The following NDUFA3 variants were observed in gnomAD, a reference collection of about 807,000 sequenced individuals.
NDUFA3 encodes the protein NADH dehydrogenase [ubiquinone] 1 alpha subcomplex subunit 3.
A neutral mutation model predicts 11.4 loss-of-function variants in NDUFA3; 10 were observed. The observed-to-expected ratio is 0.87, with a 90% CI of 0.54 to 1.48. The LOEUF is 1.48. NDUFA3 is among the 40% of genes most tolerant of loss of function. NDUFA3 has a pLI of 0.00. For missense variants in NDUFA3, 115 were observed against 110.5 expected, an observed-to-expected ratio of 1.04 and a Z score of -0.18; for synonymous variants, 39 against 46.9, an observed-to-expected ratio of 0.83 and a Z score of 0.68.
chr19:54,103,116 G>A lies in NDUFA3; in HGVS notation c.13G>A (p.Val5Ile). ...GACGCTTCTTGCCACCCCTTCAGGA[G>A]TCGGCGCCTTCCTCAAGAATGCCTG... MAARVGAFLKNAWDK... is the reference protein window; with the variant it reads MAARIGAFLKNAWDK... The change falls in exon 2 of 4, where the codon GTC becomes ATC. Residue 5 changes from valine to isoleucine, a missense_variant and splice_region_variant. Coordinates refer to ENST00000485876, the MANE Select transcript of NDUFA3 (RefSeq NM_004542.4). The A allele has an allele frequency of 6.2e-7, 1 of 1,612,446 alleles. No individual in the cohort carries two copies. The highest frequency in any genetic ancestry group is 1.3e-5 in the African/African-American group (1 of 74,998).
chr19:54,105,823 C>G, intron 2 of NDUFA3, 111 bp from the exon 3 acceptor site: 1 of 881,094 alleles, frequency 1.1e-6, no homozygotes, highest in South Asian at 1.4e-5. Context: ...GCTGGCCCTC[C>G]CTGCTGCCCT....
At chr19:54,104,825 G>A (rs1055086633) in intron 2 of NDUFA3, among the ~76,000 whole-genome samples, 10 of 151,562 alleles carry the variant, frequency 6.6e-5, no homozygotes, top group African/African-American at 1.7e-4. Flanking sequence ...TGCAACCTCC[G>A]CCTCCCGGGT....
chr19:54,102,997 C>A, intron 1 of NDUFA3, 109 bp downstream of exon 1: 1 of 1,540,100 alleles, frequency 6.5e-7, no homozygotes, highest in Non-Finnish European at 8.8e-7. Flanking sequence ...GGGGTCCGTG[C>A]TGGAGGGGAA....
chr19:54,106,776 G>T (rs587711090), intron 3 of NDUFA3, 35 bp from the exon 4 acceptor site: 8 of 1,561,292 alleles, frequency 5.1e-6, no homozygotes, highest in East Asian at 2.3e-5. Context: ...CCCTGGAGAC[G>T]TGCTGGTCTC....
chr19:54,106,077 T>A, intron 3 of NDUFA3, 66 bp downstream of exon 3: 1 of 1,467,076 alleles, frequency 6.8e-7, no homozygotes, highest in South Asian at 1.1e-5. Context: ...GTAAGGGCAG[T>A]TATGGGCAGG....
Position 54,107,494 on chromosome 19 carries a change from C to T in NDUFA3, c.*592C>T, listed in dbSNP as rs2073305160. 1 of 337,824 alleles carries T rather than the reference C, an allele frequency of 3.0e-6. No individual in the cohort carries two copies. Among genetic ancestry groups the T allele is most frequent in the Non-Finnish European group, 5.5e-6 (1 of 183,428 alleles). The allele number at this position is 337,824 out of a possible 1,614,324, so 20.9% of individuals were successfully genotyped here. ...AGACTCCTGGCCTCAAGTGATCCTCCCACCTAGGCCTCCCAAAGTGCCGGG... is the reference window on the plus strand; with the variant it reads ...AGACTCCTGGCCTCAAGTGATCCTCTCACCTAGGCCTCCCAAAGTGCCGGG... On this transcript the variant is annotated 3_prime_UTR_variant, in exon 4 of 4. Transcript: ENST00000485876.
At chr19:54,106,719 C>T in intron 3 of NDUFA3, 92 bp from the exon 4 acceptor site, 1 of 1,124,086 alleles carries the variant, frequency 8.9e-7, no homozygotes. Flanking sequence ...TGGGGTCCCC[C>T]TTCCCTCTCT....
In NDUFA3 at chr19:54,103,200, C is replaced by A; in HGVS notation, c.85+12C>A. On this transcript the variant is annotated intron_variant, in intron 2 of 3. Transcript: ENST00000485876. ...CGTCGGGGGCCTCGGTGCGTGAGTGCTCCAGGCGCAAACTTGCATCGTCCA... is the reference window on the plus strand; with the variant it reads ...CGTCGGGGGCCTCGGTGCGTGAGTGATCCAGGCGCAAACTTGCATCGTCCA... 1.9e-6 allele frequency: 3 copies of A among 1,583,880 alleles called. No individual in the cohort carries two copies. The highest frequency in any genetic ancestry group is 2.6e-6 in the Non-Finnish European group (3 of 1,161,512).
At chr19:54,105,913 C>T in intron 2 of NDUFA3, 21 bp from the exon 3 acceptor site, 1 of 1,593,696 alleles carries the variant, frequency 6.3e-7, no homozygotes, top group East Asian at 2.2e-5. Context: ...CCCTGGGCCT[C>T]ACCCCTGTGT....
chr19:54,105,612 C>T, intron 2 of NDUFA3: 1 of 589,844 alleles, frequency 1.7e-6, no homozygotes. Flanking sequence ...TCCCATGACA[C>T]TACCCCCAGG....
rs1316415018 is a variant in NDUFA3, at chr19:54,105,264, C to CCTTTTTTTTTTTTTTT, written c.86-670_86-669insCTTTTTTTTTTTTTTT. 1.2e-3 allele frequency among the ~76,000 whole-genome samples: 88 copies of CCTTTTTTTTTTTTTTT among 71,260 alleles called. 2 individuals carry two copies. Among genetic ancestry groups the CCTTTTTTTTTTTTTTT allele is most frequent in the South Asian group, 2.0e-3 (4 of 2,038 alleles). The allele number at this position is 71,260 out of a possible 152,430, so 46.7% of individuals were successfully genotyped here. On this transcript the variant is annotated intron_variant, in intron 2 of 3. Coordinates refer to ENST00000485876, the MANE Select transcript of NDUFA3 (RefSeq NM_004542.4). ...ACCCTTTCTCCTCCAGTTTGTAAGG[C>CCTTTTTTTTTTTTTTT]TTTTTTTTTTTTTTTTTTTTTGGTG...
At chr19:54,106,180 G>A in intron 3 of NDUFA3, 169 bp downstream of exon 3, 1 of 651,726 alleles carries the variant, frequency 1.5e-6, no homozygotes, top group Non-Finnish European at 2.6e-6. Context: ...ATACTATTCT[G>A]TGTTTGTGCT....
In NDUFA3 at chr19:54,106,898, T is replaced by C. The variant is rs778599583; in HGVS notation, c.251T>C (p.Leu84Pro). ...CCCAGCCTGGAGTGGCTGAAGAAACTGTGAGCACCTCCACTGACAGAGGCG... is the reference window on the plus strand; with the variant it reads ...CCCAGCCTGGAGTGGCTGAAGAAACCGTGAGCACCTCCACTGACAGAGGCG... ...QGPSLEWLKK[L>P] Residue 84 changes from leucine (L) to proline (P), a missense_variant, in exon 4 of 4, where the codon CTG becomes CCG. Leu to Pro is a moderately conservative substitution (Grantham distance 98). Coordinates refer to ENST00000485876, the MANE Select transcript of NDUFA3 (RefSeq NM_004542.4). 2.5e-6 allele frequency: 4 copies of C among 1,611,498 alleles called. No individual in the cohort carries two copies. The highest frequency in any genetic ancestry group is 1.7e-5 in the Admixed American group (1 of 59,200).
chr19:54,105,833 T>C, intron 2 of NDUFA3, 101 bp from the exon 3 acceptor site: 3 of 970,942 alleles, frequency 3.1e-6, no homozygotes, highest in Non-Finnish European at 5.0e-6. Flanking sequence ...CCTGCTGCCC[T>C]CCCCCTGCGC....
At chr19:54,103,283 G>A in intron 2 of NDUFA3, 95 bp downstream of exon 2, 1 of 1,309,852 alleles carries the variant, frequency 7.6e-7, no homozygotes, top group Non-Finnish European at 1.0e-6. Flanking sequence ...GCCGCCCTCG[G>A]GTCCCCTCTA....
Position 54,105,264 on chromosome 19 carries a change from C to CTTTTTTTTTTTTTT in NDUFA3, c.86-662_86-649dup, listed in dbSNP as rs796770972. On this transcript the variant is annotated intron_variant, in intron 2 of 3. Transcript: ENST00000485876. ...ACCCTTTCTCCTCCAGTTTGTAAGG[C>CTTTTTTTTTTTTTT]TTTTTTTTTTTTTTTTTTTTTGGTG... Among the ~76,000 whole-genome samples the CTTTTTTTTTTTTTT allele has an allele frequency of 1.1e-3, 80 of 71,254 alleles. 15 individuals carry two copies. Among genetic ancestry groups the CTTTTTTTTTTTTTT allele is most frequent in the African/African-American group, 3.4e-3 (57 of 16,566 alleles). The allele number at this position is 71,254 out of a possible 152,430, so 46.7% of individuals were successfully genotyped here.
In NDUFA3 at chr19:54,106,819, C is replaced by T. The variant is rs200318289; in HGVS notation, c.172C>T (p.Arg58Cys). The part of the protein sequence containing the change: ...ATPYNYPVPV[R>C]DDGNMPDVPS... Reference sequence around the variant, plus strand: ...CACCTCCTGCCCCACAGTGCCCGTCCGTGATGATGGGAACATGCCCGACGT... The same window carrying T: ...CACCTCCTGCCCCACAGTGCCCGTCTGTGATGATGGGAACATGCCCGACGT... The change falls in exon 4 of 4, where the codon CGT (arginine) becomes TGT (cysteine). Residue 58 changes from arginine (R) to cysteine (C), a missense_variant. Physicochemically the swap from Arg to Cys is radical, Grantham distance 180 (BLOSUM62 -3). Coordinates refer to ENST00000485876, the MANE Select transcript of NDUFA3 (RefSeq NM_004542.4). 5.9e-5 allele frequency: 95 copies of T among 1,612,434 alleles called. No individual in the cohort carries two copies. The highest frequency in any genetic ancestry group is 2.5e-4 in the Admixed American group (15 of 59,778).
intron 2 of NDUFA3, among the ~76,000 whole-genome samples, chr19:54,104,854 T>C (rs2073208064): frequency 6.6e-6 from 1 of 152,158 alleles, no homozygotes; most frequent in South Asian, 2.1e-4. Flanking sequence ...TTCTCCTGTC[T>C]CAGCCTCCTT....
chr19:54,106,687 C>A, intron 3 of NDUFA3, 124 bp from the exon 4 acceptor site: 1 of 695,642 alleles, frequency 1.4e-6, no homozygotes, highest in Non-Finnish European at 2.3e-6. Flanking sequence ...CACTGATTCT[C>A]TGACCCTTCC....
Sources: allele counts gnomAD v4.1 joint callset (sites outside exome capture counted in the v4.1 genomes callset), GRCh38; gene constraint gnomAD v4.1.1; transcripts MANE v1.5; gene names NCBI Gene and HGNC (gene_info 2026-07-23, HGNC 2026-07-21).